The following SPACA6 variants were observed in gnomAD, a reference collection of about 807,000 sequenced individuals.
SPACA6 encodes the protein sperm acrosome associated 6.
For synonymous variants in SPACA6, 6 were observed against 1.5 expected (o/e 4.05, Z -2.21); for missense variants, 8 against 2.8 (o/e 2.88, Z -1.34).
At chr19:51,713,126 T>C (rs1053217742), downstream of SPACA6, 5 of 342,660 alleles carry the variant, frequency 1.5e-5, no homozygotes, top group African/African-American at 1.1e-4. The surrounding 1 kb of genome is among the most constrained non-coding windows in gnomAD (Gnocchi z 4.5). Flanking sequence ...ATAAATAAAA[T>C]TCTTTATTAC....
chr19:51,700,166 A>G (rs1388821069), intron 2 of SPACA6, among the ~76,000 whole-genome samples: 1 of 152,190 alleles, frequency 6.6e-6, no homozygotes, highest in African/African-American at 2.4e-5. Flanking sequence ...AGGCAGGAGA[A>G]TCACTTGAAC....
intron 2 of SPACA6, among the ~76,000 whole-genome samples, chr19:51,694,760 G>T (rs1037988420): frequency 6.6e-6 from 1 of 152,222 alleles, no homozygotes; most frequent in Admixed American, 6.5e-5. Flanking sequence ...AAGGTGGTGA[G>T]GGGGAAGGGA....
At chr19:51,697,027 T>TA (rs2083435584) in intron 2 of SPACA6, among the ~76,000 whole-genome samples, 1 of 152,138 alleles carries the variant, frequency 6.6e-6, no homozygotes, top group South Asian at 2.1e-4. Context: ...GGAGCTTATT[T>TA]AAAATGCAGA....
At chr19:51,711,065 G>A (rs971893260) in intron 2 of SPACA6, among the ~76,000 whole-genome samples, 4 of 152,132 alleles carry the variant, frequency 2.6e-5, no homozygotes, top group African/African-American at 7.2e-5. Flanking sequence ...GGGCGACAGA[G>A]CAAGACCCTA....
chr19:51,712,750 C>G (rs758301354), downstream of SPACA6, among the ~76,000 whole-genome samples: 3 of 152,036 alleles, frequency 2.0e-5, no homozygotes, highest in Non-Finnish European at 4.4e-5. Flanking sequence ...CCTATTTTCT[C>G]AGTGAGATAG....
At chr19:51,708,892 A>T (rs565553638), downstream of SPACA6, among the ~76,000 whole-genome samples, 4 of 152,034 alleles carry the variant, frequency 2.6e-5, no homozygotes, top group Non-Finnish European at 5.9e-5. Flanking sequence ...GCAAAAATTT[A>T]AAAAGGGAAA....
At chr19:51,688,900 AGG>A (rs1491226510), upstream of SPACA6, among the ~76,000 whole-genome samples, 10 of 72,082 alleles carry the variant, frequency 1.4e-4, no homozygotes, top group Admixed American at 3.9e-4. Context: ...GGAGGGAAAG[AGG>A]GAGAGAGAGA....
At chr19:51,710,657 CATGA>C (rs1220596538) in intron 2 of SPACA6, among the ~76,000 whole-genome samples, 7 of 152,136 alleles carry the variant, frequency 4.6e-5, no homozygotes. Context: ...ATACATGGAG[CATGA>C]ATGAAGTATT....
chr19:51,683,753 C>A, the SPACA6 span, among the ~76,000 whole-genome samples: 1 of 152,182 alleles, frequency 6.6e-6, no homozygotes, highest in Admixed American at 6.5e-5. Context: ...CTCCTTTAAT[C>A]CTTATGTCTC....
At chr19:51,707,933 G>A (rs957951061), downstream of SPACA6, among the ~76,000 whole-genome samples, 4 of 152,242 alleles carry the variant, frequency 2.6e-5, no homozygotes, top group African/African-American at 9.6e-5. Flanking sequence ...CTCCATGGGA[G>A]CTGGGATGCA....
At chr19:51,696,650 T>C (rs893284439) in intron 2 of SPACA6, among the ~76,000 whole-genome samples, 33 of 152,234 alleles carry the variant, frequency 2.2e-4, no homozygotes, top group African/African-American at 7.2e-4. Flanking sequence ...TGTCTTGTTA[T>C]GTTGCATGGG....
At chr19:51,706,941 G>A (rs1447403152), downstream of SPACA6, among the ~76,000 whole-genome samples, 4 of 152,170 alleles carry the variant, frequency 2.6e-5, no homozygotes, top group African/African-American at 4.8e-5. Context: ...GATTACAGGC[G>A]TGAGCCACCG....
chr19:51,705,255 C>T (rs2083509981), downstream of SPACA6: 1 of 398,250 alleles, frequency 2.5e-6, no homozygotes, highest in Non-Finnish European at 4.5e-6. Context: ...CAAGCCCACA[C>T]ATGCCCAGAT....
upstream of SPACA6, chr19:51,686,629 A>C (rs2083329563): frequency 6.6e-6 from 1 of 152,234 alleles, no homozygotes; most frequent in Non-Finnish European, 1.5e-5. Context: ...ATATTTTCCC[A>C]GAGCAAGCCC....
chr19:51,691,332 G>A (rs906935538), upstream of SPACA6, among the ~76,000 whole-genome samples: 16 of 151,500 alleles, frequency 1.1e-4, no homozygotes, highest in Admixed American at 6.6e-5. Flanking sequence ...AGACGGAGGT[G>A]AGGGATGGAG....
chr19:51,684,605 T>G (rs2083320036), upstream of SPACA6, among the ~76,000 whole-genome samples: 1 of 152,208 alleles, frequency 6.6e-6, no homozygotes. Context: ...AATCTGCTGC[T>G]TTTAGTTCAG....
At chr19:51,690,780 A>C (rs1161820321), upstream of SPACA6, among the ~76,000 whole-genome samples, 2 of 151,802 alleles carry the variant, frequency 1.3e-5, no homozygotes, top group Non-Finnish European at 2.9e-5. Context: ...CGGGTGGGGG[A>C]GATGCTTAGG....
Position 51,693,557 on chromosome 19 carries a change from C to T in SPACA6, c.31C>T (p.Pro11Ser), listed in dbSNP as rs1467316788. 10 of 461,062 alleles carry T rather than the reference C, an allele frequency of 2.2e-5. No individual in the cohort carries two copies. The highest frequency in any genetic ancestry group is 1.9e-4 in the African/African-American group (10 of 51,508). 28.6% of individuals were successfully genotyped at this position (461,062 alleles called of 1,614,324 possible). The change falls in exon 1 of 9, where the codon CCG (proline) becomes TCG (serine). Residue 11 changes from proline to serine, a missense_variant. Transcript: ENST00000637797. ...CCTGCTGGCTCTGGCCAGTGCCGTC[C>T]CGTCTGCCCTGCTGGCCCTGGCTGT... MALLALASAV[P>S]SALLALAVFR... is the part of the protein sequence containing the mutation.
upstream of SPACA6, among the ~76,000 whole-genome samples, chr19:51,692,188 TA>T (rs931472367): frequency 6.6e-6 from 1 of 151,920 alleles, no homozygotes; most frequent in Non-Finnish European, 1.5e-5. This position sits in a 1 kb window ranked among gnomAD's most constrained non-coding sequence, Gnocchi z 5.6. Flanking sequence ...GGAGGGTAGG[TA>T]GGAAGCAGGT....
Sources: gnomAD v4.1 joint callset for allele counts (sites outside exome capture counted in the v4.1 genomes callset) on GRCh38, gnomAD v4.1.1 for gene constraint, Gnocchi (gnomAD v3.1) non-coding constraint, MANE v1.5 for transcripts, NCBI Gene and HGNC (gene_info 2026-07-23, HGNC 2026-07-21) for gene names.